The following PTPRD variants were observed in gnomAD, a reference collection of about 807,000 sequenced individuals.
The protein encoded by PTPRD is protein tyrosine phosphatase receptor type D.
PTPRD carries 34 observed loss-of-function variants against 214.5 expected under a neutral mutation model. The observed-to-expected ratio is 0.16, with a 90% CI of 0.12 to 0.21. PTPRD has a LOEUF of 0.21. Ranked by LOEUF, PTPRD falls within the 10% of genes least tolerant of loss-of-function variation. The pLI is 1.00. For synonymous variants in PTPRD, 1,128 were observed against 845.7 expected (o/e 1.33, Z -5.79); for missense variants, 2,545 against 2,398.7 (o/e 1.06, Z -1.27).
intron 10 of PTPRD, among the ~76,000 whole-genome samples, chr9:9,102,900 A>G (rs113367624): frequency 1.8e-4 from 27 of 152,358 alleles, no homozygotes; most frequent in African/African-American, 6.3e-4. Context: ...AATTAACGCT[A>G]TAATTTGAGC....
At position 9,292,090 on chromosome 9, in the gene PTPRD, T is replaced by C. The variant is rs910805415; in HGVS notation, c.-203+105359A>G. ...CATGGAGCTTTGCAGCTTTGTATTA[T>C]CTATGAGACGAGGGCCTACTGAAAA... is the stretch of plus-strand genomic sequence containing the variant. On this transcript the variant is annotated intron_variant, in intron 9 of 45. Coordinates refer to ENST00000381196, the MANE Select transcript of PTPRD (RefSeq NM_002839.4). Among the ~76,000 whole-genome samples, 7 of 151,324 alleles carry C rather than the reference T, an allele frequency of 4.6e-5. 1 individual carries two copies. The South Asian group carries it at 1.0e-3, about 22-fold the overall frequency.
chr9:8,853,611 T>C (rs1209000117), intron 11 of PTPRD, among the ~76,000 whole-genome samples: 1 of 152,200 alleles, frequency 6.6e-6, no homozygotes, highest in Non-Finnish European at 1.5e-5. Flanking sequence ...AAGTGATGCT[T>C]GTTCAAATGA....
At chr9:10,504,998 C>T (rs533994090) in intron 2 of PTPRD, among the ~76,000 whole-genome samples, 1 of 152,282 alleles carries the variant, frequency 6.6e-6, no homozygotes, top group Non-Finnish European at 1.5e-5. Context: ...CAATTTTGAA[C>T]TGCTCAAACA....
At chr9:10,332,571 G>A (rs1336180979) in intron 3 of PTPRD, among the ~76,000 whole-genome samples, 1 of 151,682 alleles carries the variant, frequency 6.6e-6, no homozygotes, top group Non-Finnish European at 1.5e-5. Context: ...CACATAGTAT[G>A]ACATACTACA....
At chr9:9,934,252 G>C (rs901119982) in intron 5 of PTPRD, among the ~76,000 whole-genome samples, 4 of 146,880 alleles carry the variant, frequency 2.7e-5, no homozygotes, top group African/African-American at 8.1e-5. Flanking sequence ...AGGAAATAGA[G>C]ACACAAAAAA....
intron 8 of PTPRD, among the ~76,000 whole-genome samples, chr9:9,511,272 A>G (rs1370285954): frequency 6.6e-6 from 1 of 151,820 alleles, no homozygotes; most frequent in Non-Finnish European, 1.5e-5. Flanking sequence ...CGTACTGATC[A>G]CTAAACAGGT....
chr9:9,982,172 A>G (rs914007039), intron 4 of PTPRD, among the ~76,000 whole-genome samples: 2 of 152,132 alleles, frequency 1.3e-5, no homozygotes, highest in African/African-American at 4.8e-5. Flanking sequence ...CAAAATACAG[A>G]TCTGTGCCAA....
chr9:10,328,478 C>T (rs1387121237), intron 3 of PTPRD, among the ~76,000 whole-genome samples: 2 of 151,566 alleles, frequency 1.3e-5, no homozygotes, highest in Non-Finnish European at 3.0e-5. Context: ...ATTGCACACC[C>T]CTACAAACTT....
rs149709968 is a variant in PTPRD at position 10,309,493 on chromosome 9, C to T, written c.-545+31470G>A. Among the ~76,000 whole-genome samples the T allele has an allele frequency of 4.2e-3, 629 of 151,388 alleles. 8 individuals carry two copies. The highest frequency in any genetic ancestry group is 0.014 in the African/African-American group (591 of 41,224). On this transcript the variant is annotated intron_variant, in intron 3 of 45. Coordinates refer to ENST00000381196, the MANE Select transcript of PTPRD (RefSeq NM_002839.4). ...TCAGCCTCCTGAGTAGCTCGGACTA[C>T]AGGCATGCACCACCACATCCAGCTA...
At chr9:8,484,477 A>G (rs2135806663) in intron 29 of PTPRD, 99 bp from the exon 30 acceptor site, 2 of 1,204,932 alleles carry the variant, frequency 1.7e-6, no homozygotes, top group Non-Finnish European at 2.3e-6. Flanking sequence ...ATGTATATAT[A>G]GTCAATTCTA....
chr9:8,525,094 G>A, intron 17 of PTPRD, 59 bp from the exon 18 acceptor site: 1 of 1,424,844 alleles, frequency 7.0e-7, no homozygotes, highest in South Asian at 1.1e-5. Flanking sequence ...TCTCAGTTCA[G>A]AAAGCTAAAC....
chr9:9,741,630 AGT>A (rs1299190545), intron 6 of PTPRD, among the ~76,000 whole-genome samples: 1 of 152,062 alleles, frequency 6.6e-6, no homozygotes, highest in Non-Finnish European at 1.5e-5. Context: ...GACAGGCCCC[AGT>A]GTGTGATGTT....
chr9:9,174,770 A>G (rs1196142097), intron 10 of PTPRD, among the ~76,000 whole-genome samples: 1 of 152,176 alleles, frequency 6.6e-6, no homozygotes, highest in Non-Finnish European at 1.5e-5. Context: ...AATTTTAAAA[A>G]TTGTTATTAT....
rs193172831 is a variant in PTPRD at position 8,630,380 on chromosome 9, G to A, written c.352+2937C>T. ...TGATGTTCAAAGTCTATGAATGTCA[G>A]TTTACACTGGAATATTATTAAACAC... On this transcript the variant is annotated intron_variant, in intron 14 of 45. Transcript: ENST00000381196. Among the ~76,000 whole-genome samples, 333 of 151,858 alleles carry A rather than the reference G, an allele frequency of 2.2e-3. 1 individual carries two copies. Among genetic ancestry groups the A allele is most frequent in the African/African-American group, 7.8e-3 (322 of 41,476 alleles).
intron 3 of PTPRD, among the ~76,000 whole-genome samples, chr9:10,338,092 C>G (rs754249594): frequency 6.6e-6 from 1 of 151,342 alleles, no homozygotes; most frequent in Admixed American, 6.6e-5. Flanking sequence ...ATTTTGAGTC[C>G]AAAGACCAAC....
At chr9:9,558,916 G>C (rs1314137748) in intron 8 of PTPRD, among the ~76,000 whole-genome samples, 1 of 152,150 alleles carries the variant, frequency 6.6e-6, no homozygotes, top group Non-Finnish European at 1.5e-5. Context: ...TGTTGCATTA[G>C]GACTACAGGT....
intron 2 of PTPRD, among the ~76,000 whole-genome samples, chr9:10,571,367 T>C (rs978740288): frequency 1.6e-4 from 25 of 152,188 alleles, no homozygotes; most frequent in Non-Finnish European, 3.4e-4. Flanking sequence ...CAGGACACTT[T>C]GGTATTTCTT....
intron 14 of PTPRD, among the ~76,000 whole-genome samples, chr9:8,533,713 C>T (rs773653895): frequency 6.6e-6 from 1 of 151,950 alleles, no homozygotes; most frequent in Non-Finnish European, 1.5e-5. Flanking sequence ...TAAGTGTGAA[C>T]TCTTACAAGC....
At chr9:9,100,469 C>T (rs1193301937) in intron 10 of PTPRD, among the ~76,000 whole-genome samples, 1 of 152,140 alleles carries the variant, frequency 6.6e-6, no homozygotes, top group Non-Finnish European at 1.5e-5. Flanking sequence ...ACACCACCCC[C>T]ACATTTCTTC....
Sources: allele counts gnomAD v4.1 joint callset (sites outside exome capture counted in the v4.1 genomes callset), GRCh38; gene constraint gnomAD v4.1.1; transcripts MANE v1.5; gene names NCBI Gene and HGNC (gene_info 2026-07-23, HGNC 2026-07-21).